PCDHGA11: variants seen among roughly 807,000 people sequenced by gnomAD.
The protein encoded by PCDHGA11 is protocadherin gamma subfamily A, 11.
A neutral mutation model predicts 60.4 loss-of-function variants in PCDHGA11; 39 were observed. That is an observed-to-expected ratio of 0.65 (90% CI 0.50 to 0.84). PCDHGA11 has a LOEUF of 0.84. Ranked by LOEUF, PCDHGA11 falls within the 40% of genes least tolerant of loss-of-function variation. The pLI is 0.00. For synonymous variants in PCDHGA11, 533 were observed against 510.3 expected, an observed-to-expected ratio of 1.04 and a Z score of -0.60; for missense variants, 1,165 against 1,197.7, an observed-to-expected ratio of 0.97 and a Z score of 0.40.
At chr5:141,471,801 CAT>C (rs1165290367) in intron 1 of PCDHGA11, among the ~76,000 whole-genome samples, 1 of 152,114 alleles carries the variant, frequency 6.6e-6, no homozygotes, top group African/African-American at 2.4e-5. Context: ...ATATAAAAGA[CAT>C]ATAAAAGACT....
At chr5:141,452,256 C>T (rs533770410) in intron 1 of PCDHGA11, among the ~76,000 whole-genome samples, 1 of 152,298 alleles carries the variant, frequency 6.6e-6, no homozygotes, top group African/African-American at 2.4e-5. Flanking sequence ...CCATAACTCT[C>T]TCATTTTCTT....
chr5:141,511,129 G>A lies in PCDHGA11; in HGVS notation c.2764G>A (p.Gly922Ser). ...GCGGGATGGCAAGGCCCCAGCAGGT[G>A]GCAATGGCAACAAGAAGAAGTCGGG... ...GKRDGKAPAGGNGNKKKSGKK... is the reference protein window; with the variant it reads ...GKRDGKAPAGSNGNKKKSGKK... Residue 922 changes from glycine to serine, a missense_variant, in exon 4 of 4, where the codon GGC becomes AGC. By Grantham distance (56) the Gly-to-Ser change is moderately conservative. Coordinates refer to ENST00000398587, the MANE Select transcript of PCDHGA11 (RefSeq NM_018914.3). 1 of 1,614,204 alleles carries A rather than the reference G, an allele frequency of 6.2e-7. No individual in the cohort carries two copies. Among genetic ancestry groups the A allele is most frequent in the Non-Finnish European group, 8.5e-7 (1 of 1,180,014 alleles).
rs2099455203 is a variant in PCDHGA11 at position 141,478,427 on chromosome 5, C to T, written c.2434-16380C>T. The T allele has an allele frequency of 1.9e-6, 3 of 1,613,742 alleles. No individual in the cohort carries two copies. Among genetic ancestry groups the T allele is most frequent in the Non-Finnish European group, 2.5e-6 (3 of 1,180,014 alleles). On this transcript the variant is annotated intron_variant, in intron 1 of 3. Coordinates refer to ENST00000398587, the MANE Select transcript of PCDHGA11 (RefSeq NM_018914.3). ...CACCACGGACTCCCGCCGCAGCGAC[C>T]CGCTGCTGAAGAAACCTGGTGCAGC...
At position 141,512,967 on chromosome 5, in the gene PCDHGA11, T is replaced by C. The variant is rs2099884538; in HGVS notation, c.*1794T>C. ...CGACAAAAAAATAATAAAACGTTTC[T>C]TCTGAAAAGCTGAACGTTTCTGTAT... On this transcript the variant is annotated 3_prime_UTR_variant, in exon 4 of 4. Transcript: ENST00000398587. The C allele has an allele frequency of 6.6e-6, 1 of 152,260 alleles. No individual in the cohort carries two copies. Among genetic ancestry groups the C allele is most frequent in the South Asian group, 2.1e-4 (1 of 4,832 alleles). The allele number at this position is 152,260 out of a possible 1,614,324, so 9.4% of individuals were successfully genotyped here.
intron 1 of PCDHGA11, chr5:141,426,760 C>T (rs935248232): frequency 4.4e-6 from 2 of 456,284 alleles, no homozygotes; most frequent in African/African-American, 4.0e-5. Context: ...GCTATAGATG[C>T]AGATGTAGGG....
At chr5:141,464,251 C>G (rs1438610569) in intron 1 of PCDHGA11, among the ~76,000 whole-genome samples, 1 of 141,396 alleles carries the variant, frequency 7.1e-6, no homozygotes, top group African/African-American at 2.7e-5. Context: ...GGCTACAGAG[C>G]GAGACTCCGT....
Position 141,423,508 on chromosome 5 carries a change from A to T in PCDHGA11, c.2281A>T (p.Ile761Phe), listed in dbSNP as rs962526072. Reference protein sequence around the residue: ...LQTYSHEVSLIADSQKSHLIF... With the variant: ...LQTYSHEVSLFADSQKSHLIF... ...AACCTATTCCCACGAGGTCTCTCTCATTGCGGACTCGCAGAAGAGTCACCT... is the reference window on the plus strand; with the variant it reads ...AACCTATTCCCACGAGGTCTCTCTCTTTGCGGACTCGCAGAAGAGTCACCT... Residue 761 changes from isoleucine to phenylalanine, a missense_variant, in exon 1 of 4, where the codon ATT (isoleucine) becomes TTT (phenylalanine). Coordinates refer to ENST00000398587, the MANE Select transcript of PCDHGA11 (RefSeq NM_018914.3). The T allele has an allele frequency of 9.9e-6, 16 of 1,613,742 alleles. No homozygotes were observed. The highest frequency in any genetic ancestry group is 1.6e-4 in the Middle Eastern group (1 of 6,084).
In PCDHGA11 at chr5:141,421,267, C is replaced by A; in HGVS notation, c.40C>A (p.Leu14Met). 6.2e-7 allele frequency: 1 copy of A among 1,611,374 alleles called. No individual in the cohort carries two copies. The highest frequency in any genetic ancestry group is 1.1e-5 in the South Asian group (1 of 90,966). ...ACAGCGCGGGGACCGCAGTCGGCTG[C>A]TGCTGCTGCTGTGCATTTTCCTGGG... ...RLQRGDRSRL[L>M]LLLCIFLGTL... The change falls in exon 1 of 4, where the codon CTG (leucine) becomes ATG (methionine). Residue 14 changes from leucine (L) to methionine (M), a missense_variant. Transcript: ENST00000398587.
rs1561964279 is a variant in PCDHGA11 at position 141,456,201 on chromosome 5, A to G, written c.2433+32541A>G. 2.0e-5 allele frequency among the ~76,000 whole-genome samples: 3 copies of G among 152,228 alleles called. No homozygotes were observed. The South Asian group carries it at 6.2e-4, about 32-fold the overall frequency. On this transcript the variant is annotated intron_variant, in intron 1 of 3. Coordinates refer to ENST00000398587, the MANE Select transcript of PCDHGA11 (RefSeq NM_018914.3). ...ATAATTTCTTAATAACTCCTACCAC[A>G]TTCCTCCCTGTGGCGATATCAAACT...
At chr5:141,482,345 T>G (rs192115752) in intron 1 of PCDHGA11, among the ~76,000 whole-genome samples, 8 of 152,122 alleles carry the variant, frequency 5.3e-5, no homozygotes, top group Admixed American at 5.2e-4. Context: ...CTTTGCAAAC[T>G]TGTTGTGAGA....
intron 1 of PCDHGA11, among the ~76,000 whole-genome samples, chr5:141,453,216 C>T (rs565229516): frequency 8.5e-5 from 13 of 152,080 alleles, no homozygotes; most frequent in Non-Finnish European, 1.0e-4. Context: ...TGCACTTAAG[C>T]GATCCTCCCA....
rs1014758036 is a variant in PCDHGA11 at position 141,486,472 on chromosome 5, T to C, written c.2434-8335T>C. The C allele has an allele frequency of 6.2e-7, 1 of 1,614,032 alleles. No homozygotes were observed. Among genetic ancestry groups the C allele is most frequent in the Non-Finnish European group, 8.5e-7 (1 of 1,179,862 alleles). ...TCACTGCTTCTGATGCTGGGAACCC[T>C]CCTCTCAGTACCCACAGAACTATTT... On this transcript the variant is annotated intron_variant, in intron 1 of 3. Coordinates refer to ENST00000398587, the MANE Select transcript of PCDHGA11 (RefSeq NM_018914.3). This position sits in a 1 kb window ranked among gnomAD's most constrained non-coding sequence, Gnocchi z 5.0.
intron 1 of PCDHGA11, among the ~76,000 whole-genome samples, chr5:141,450,233 G>A (rs2098674391): frequency 6.6e-6 from 1 of 152,026 alleles, no homozygotes; most frequent in Non-Finnish European, 1.5e-5. Flanking sequence ...GGCCAGGCTA[G>A]TCTTGAACTC....
In PCDHGA11 at chr5:141,431,183, A is replaced by G. The variant is rs1467232519; in HGVS notation, c.2433+7523A>G. Reference sequence around the variant, plus strand: ...TCGTGAAAGTGAATTAGAAATAAAAATTAGTGAAAATGCAGCCACTGAGAT... The same window carrying G: ...TCGTGAAAGTGAATTAGAAATAAAAGTTAGTGAAAATGCAGCCACTGAGAT... On this transcript the variant is annotated intron_variant, in intron 1 of 3. Transcript: ENST00000398587. The surrounding 1 kb of genome is among the most constrained non-coding windows in gnomAD (Gnocchi z 4.8). 1 of 1,614,218 alleles carries G rather than the reference A, an allele frequency of 6.2e-7. No individual in the cohort carries two copies. The highest frequency in any genetic ancestry group is 2.2e-5 in the East Asian group (1 of 44,880).
intron 1 of PCDHGA11, chr5:141,439,807 G>A (rs2098132839): frequency 6.6e-6 from 1 of 152,336 alleles, no homozygotes; most frequent in African/African-American, 2.4e-5. Context: ...AGTTTGAAAA[G>A]GGGCTTATTT....
intron 1 of PCDHGA11, among the ~76,000 whole-genome samples, chr5:141,425,699 G>A (rs535043616): frequency 6.6e-6 from 1 of 152,260 alleles, no homozygotes; most frequent in Non-Finnish European, 1.5e-5. Context: ...ATTTCATAGT[G>A]GTCAAAATTT....
intron 1 of PCDHGA11, among the ~76,000 whole-genome samples, chr5:141,445,357 G>C (rs115045385): frequency 0.013 from 1,909 of 152,252 alleles, 31 homozygotes; most frequent in African/African-American, 0.044. Flanking sequence ...GTCTGCCCAA[G>C]TCTGGTCCTG....
In PCDHGA11 at chr5:141,491,533, C is replaced by G. The variant is rs758270791; in HGVS notation, c.2434-3274C>G. 4.3e-6 allele frequency: 7 copies of G among 1,614,010 alleles called. No homozygotes were observed. The highest frequency in any genetic ancestry group is 5.1e-6 in the Non-Finnish European group (6 of 1,180,028). ...GCTCAAGTACATGGAGGTGACGCTGCGGCCCACAGACTCGCAGAGCCACTG... is the reference window on the plus strand; with the variant it reads ...GCTCAAGTACATGGAGGTGACGCTGGGGCCCACAGACTCGCAGAGCCACTG... On this transcript the variant is annotated intron_variant, in intron 1 of 3. Transcript: ENST00000398587. The surrounding 1 kb of genome is among the most constrained non-coding windows in gnomAD (Gnocchi z 6.9).
At position 141,431,007 on chromosome 5, in the gene PCDHGA11, G is replaced by C. The variant is rs149559471; in HGVS notation, c.2433+7347G>C. On this transcript the variant is annotated intron_variant, in intron 1 of 3. Transcript: ENST00000398587. This position sits in a 1 kb window ranked among gnomAD's most constrained non-coding sequence, Gnocchi z 4.8. Reference sequence around the variant, plus strand: ...TTCGCCCTGAATCCGCGCAGCGGCAGCTTGGTCACGGCGGGCAGGATAGAC... The same window carrying C: ...TTCGCCCTGAATCCGCGCAGCGGCACCTTGGTCACGGCGGGCAGGATAGAC... 10 of 1,614,050 alleles carry C rather than the reference G, an allele frequency of 6.2e-6. No homozygotes were observed. The highest frequency in any genetic ancestry group is 8.5e-6 in the Non-Finnish European group (10 of 1,180,018).
Sources: allele counts gnomAD v4.1 joint callset (sites outside exome capture counted in the v4.1 genomes callset), GRCh38; gene constraint gnomAD v4.1.1; non-coding constraint Gnocchi (gnomAD v3.1); transcripts MANE v1.5; gene names NCBI Gene and HGNC (gene_info 2026-07-23, HGNC 2026-07-21).